The following MS4A13 variants were observed in gnomAD, a reference collection of about 807,000 sequenced individuals.
MS4A13 encodes the protein membrane-spanning 4-domains subfamily A member 13.
A neutral mutation model predicts 18.4 loss-of-function variants in MS4A13; 21 were observed. The ratio of observed to expected loss-of-function variants is 1.14; its 90% CI spans 0.81 to 1.64. The LOEUF is 1.64. Ranked by LOEUF, MS4A13 falls within the 40% of genes most tolerant of loss-of-function variation. The pLI is 0.00. For missense variants in MS4A13, 173 were observed against 176.8 expected, an observed-to-expected ratio of 0.98 and a Z score of 0.12; for synonymous variants, 62 against 57.2, an observed-to-expected ratio of 1.08 and a Z score of -0.38.
downstream of MS4A13, among the ~76,000 whole-genome samples, chr11:60,543,393 T>A (rs1180736373): frequency 6.6e-6 from 1 of 152,186 alleles, no homozygotes; most frequent in African/African-American, 2.4e-5. Flanking sequence ...ATGAATAATA[T>A]CTTAAGCTCT....
chr11:60,541,964 G>T (rs193220961), intron 6 of MS4A13, among the ~76,000 whole-genome samples: 4 of 152,016 alleles, frequency 2.6e-5, no homozygotes, highest in African/African-American at 7.3e-5. Context: ...AGCCAGGCAT[G>T]GTGGCACAGG....
chr11:60,518,992 A>T (rs905158151), intron 3 of MS4A13, among the ~76,000 whole-genome samples: 2 of 152,240 alleles, frequency 1.3e-5, no homozygotes, highest in Non-Finnish European at 2.9e-5. Flanking sequence ...TGAAAGAAAC[A>T]GCATCATATC....
intron 5 of MS4A13, among the ~76,000 whole-genome samples, chr11:60,527,294 A>G: frequency 6.6e-6 from 1 of 151,604 alleles, no homozygotes; most frequent in Non-Finnish European, 1.5e-5. Flanking sequence ...AAAAAGGGTC[A>G]CTTACTTTAC....
At chr11:60,522,234 A>G (rs200536045) in intron 3 of MS4A13, among the ~76,000 whole-genome samples, 1 of 108,694 alleles carries the variant, frequency 9.2e-6, no homozygotes, top group Non-Finnish European at 1.8e-5. Flanking sequence ...ATAGATAGAT[A>G]GATAGATGTA....
At chr11:60,530,695 A>C (rs2086758923) in intron 6 of MS4A13, among the ~76,000 whole-genome samples, 1 of 152,126 alleles carries the variant, frequency 6.6e-6, no homozygotes, top group Non-Finnish European at 1.5e-5. Context: ...TTCCCACCTG[A>C]TATGGTTAGG....
chr11:60,531,951 C>A (rs1350819716), intron 6 of MS4A13, among the ~76,000 whole-genome samples: 1 of 152,174 alleles, frequency 6.6e-6, no homozygotes, highest in African/African-American at 2.4e-5. Flanking sequence ...GTATTGCTAA[C>A]CACCACTCCT....
chr11:60,520,639 C>T (rs2086667814), intron 3 of MS4A13, among the ~76,000 whole-genome samples: 1 of 152,240 alleles, frequency 6.6e-6, no homozygotes, highest in African/African-American at 2.4e-5. Context: ...GCTCCCATGG[C>T]CTTGGGCTGC....
chr11:60,529,523 G>A (rs2086748479), intron 6 of MS4A13, 63 bp downstream of exon 6: 3 of 899,118 alleles, frequency 3.3e-6, no homozygotes, highest in Non-Finnish European at 5.1e-6. Context: ...TACACTCTAT[G>A]AGAAGATGAA....
chr11:60,523,411 T>C (rs899068036), intron 3 of MS4A13, among the ~76,000 whole-genome samples: 42 of 152,206 alleles, frequency 2.8e-4, no homozygotes, highest in African/African-American at 9.7e-4. Flanking sequence ...ATTTCTGCCA[T>C]TACCTTAATA....
At chr11:60,518,742 C>T (rs576557016) in intron 3 of MS4A13, among the ~76,000 whole-genome samples, 7 of 152,140 alleles carry the variant, frequency 4.6e-5, no homozygotes, top group East Asian at 1.9e-4. Flanking sequence ...ATGAGGACTA[C>T]GAATTGACCA....
chr11:60,525,225 A>T lies in MS4A13; in HGVS notation c.205A>T (p.Ile69Leu). 6.4e-7 allele frequency: 1 copy of T among 1,563,472 alleles called. No individual in the cohort carries two copies. The highest frequency in any genetic ancestry group is 8.8e-7 in the Non-Finnish European group (1 of 1,136,028). The change falls in exon 5 of 7, where the codon ATA becomes TTA. Residue 69 changes from isoleucine (I) to leucine (L), a missense_variant. Ile to Leu is a conservative substitution (Grantham distance 5, BLOSUM62 2). Transcript: ENST00000378186. ...TTTTCAGATTATAAGTACTTTAATC[A>T]TAAACATCATCTGCATAATTACTAC... ...TRSGIISTLI[I>L]NIICIITTIT...
intron 3 of MS4A13, 31 bp from the exon 4 acceptor site, chr11:60,523,866 T>C (rs1047508050): frequency 2.3e-5 from 28 of 1,221,564 alleles, no homozygotes; most frequent in African/African-American, 3.0e-5. Context: ...GCATTATCAA[T>C]GAGTATTTAT....
intron 6 of MS4A13, among the ~76,000 whole-genome samples, chr11:60,542,016 T>A (rs10750941): frequency 4.0e-5 from 6 of 151,528 alleles, no homozygotes; most frequent in Non-Finnish European, 5.9e-5. Flanking sequence ...CATGAGAATC[T>A]CTTGAGTCTG....
Position 60,527,398 on chromosome 11 carries a change from C to CTGTGTGTGTGTG in MS4A13, c.307-1966_307-1965insGTGTGTGTGTGT, listed in dbSNP as rs1565212696. Among the ~76,000 whole-genome samples the CTGTGTGTGTGTG allele has an allele frequency of 2.2e-4, 21 of 93,344 alleles. No homozygotes were observed. The East Asian group carries it at 4.7e-3, about 21-fold the overall frequency. 61.2% of individuals were successfully genotyped at this position (93,344 alleles called of 152,430 possible). A position where few individuals can be genotyped will look rare whatever the true frequency, so the allele number is the denominator to read the frequency against. On this transcript the variant is annotated intron_variant, in intron 5 of 6. Coordinates refer to ENST00000378186, the MANE Select transcript of MS4A13 (RefSeq NM_001012417.3). ...TCTCTCTCTCTCTCTCTCTCTCTCTCTCTCTCTCTCTCTGTGTGTGTGTGT... is the reference window on the plus strand; with the variant it reads ...TCTCTCTCTCTCTCTCTCTCTCTCTCTGTGTGTGTGTGTCTCTCTCTCTCTGTGTGTGTGTGT...
intron 5 of MS4A13, among the ~76,000 whole-genome samples, chr11:60,527,361 CGTCTCTCT>C (rs1370715280): frequency 0.12 from 8,088 of 68,766 alleles, 855 homozygotes; most frequent in Non-Finnish European, 0.16. Flanking sequence ...TCATTCATTC[CGTCTCTCT>C]CTCTCTCTCT....
intron 5 of MS4A13, 52 bp from the exon 6 acceptor site, chr11:60,529,313 G>A: frequency 2.0e-6 from 1 of 506,522 alleles, no homozygotes; most frequent in South Asian, 2.1e-5. Context: ...GATCATGTTT[G>A]CACTCACTAA....
intron 6 of MS4A13, among the ~76,000 whole-genome samples, chr11:60,531,281 G>T (rs1233010390): frequency 2.6e-5 from 4 of 152,170 alleles, no homozygotes; most frequent in African/African-American, 4.8e-5. Flanking sequence ...CACAATACTT[G>T]TTGGGGCAAA....
rs139439770 is a variant in MS4A13 at position 60,527,179 on chromosome 11, G to C, written c.306+1853G>C. Among the ~76,000 whole-genome samples the C allele has an allele frequency of 3.6e-3, 549 of 152,020 alleles. 3 individuals carry two copies. The highest frequency in any genetic ancestry group is 0.012 in the African/African-American group (512 of 41,442). On this transcript the variant is annotated intron_variant, in intron 5 of 6. Transcript: ENST00000378186. The stretch of plus-strand genomic sequence containing the variant: ...ACATAATACCTCATCTCTTTCTACT[G>C]TCTTTATAATTACCAAATATTGCTT...
chr11:60,530,172 C>A (rs2086755078), intron 6 of MS4A13, among the ~76,000 whole-genome samples: 2 of 152,292 alleles, frequency 1.3e-5, no homozygotes, highest in East Asian at 3.9e-4. Context: ...TTACGGAGAG[C>A]ATGCTATTTG....
Sources: allele counts gnomAD v4.1 joint callset (sites outside exome capture counted in the v4.1 genomes callset), GRCh38; gene constraint gnomAD v4.1.1; transcripts MANE v1.5; gene names NCBI Gene and HGNC (gene_info 2026-07-23, HGNC 2026-07-21).